The following FILIP1L variants were observed in gnomAD, a reference collection of about 807,000 sequenced individuals.
FILIP1L encodes filamin A interacting protein 1 like.
A neutral mutation model predicts 96.6 loss-of-function variants in FILIP1L; 55 were observed. The ratio of observed to expected loss-of-function variants is 0.57; its 90% CI spans 0.46 to 0.71. FILIP1L has a LOEUF of 0.71. FILIP1L is among the 30% of genes least tolerant of loss of function. FILIP1L has a pLI of 0.00. For synonymous variants in FILIP1L, 467 were observed against 473.9 expected, an observed-to-expected ratio of 0.99 and a Z score of 0.19; for missense variants, 1,304 against 1,321.2, an observed-to-expected ratio of 0.99 and a Z score of 0.20.
intron 4 of FILIP1L, among the ~76,000 whole-genome samples, chr3:99,869,697 T>C (rs1267592049): frequency 2.0e-5 from 3 of 152,234 alleles, no homozygotes; most frequent in East Asian, 1.9e-4. Flanking sequence ...ACTTAAGTCT[T>C]GCGAGCCCAA....
At position 99,930,886 on chromosome 3, in the gene FILIP1L, A is replaced by G; in HGVS notation, c.135T>C (p.Asp45=). The G allele has an allele frequency of 6.2e-7, 1 of 1,613,148 alleles. No homozygotes were observed. The highest frequency in any genetic ancestry group is 8.5e-7 in the Non-Finnish European group (1 of 1,179,806). ...QQDKDSPSES[D]VILPCPKAEK... ...CTGCCTTGGGACACGGAAGTATTAC[A>G]TCCGACTCACTGGGGGAGTCTTTGT... The change falls in exon 2 of 6, where the codon GAT becomes GAC. Residue 45 remains aspartate, a synonymous_variant. Coordinates refer to ENST00000477258, the MANE Select transcript of FILIP1L (RefSeq NM_001387850.1).
At chr3:99,904,543 T>C (rs1328065608) in intron 4 of FILIP1L, among the ~76,000 whole-genome samples, 4 of 152,250 alleles carry the variant, frequency 2.6e-5, no homozygotes, top group Non-Finnish European at 5.9e-5. Flanking sequence ...TTAATTCTTG[T>C]TATTTTGACA....
intron 1 of FILIP1L, among the ~76,000 whole-genome samples, chr3:99,935,051 A>G (rs1241284581): frequency 6.6e-6 from 1 of 152,166 alleles, no homozygotes; most frequent in Non-Finnish European, 1.5e-5. Context: ...CCCTCTGCCA[A>G]TAACCACAAA....
At chr3:100,010,510 G>C (rs1263668695) in intron 1 of FILIP1L, among the ~76,000 whole-genome samples, 1 of 152,052 alleles carries the variant, frequency 6.6e-6, no homozygotes, top group Non-Finnish European at 1.5e-5. Flanking sequence ...ATCCAACTAA[G>C]AGCAGTGACT....
intron 1 of FILIP1L, among the ~76,000 whole-genome samples, chr3:100,037,386 A>G (rs181614877): frequency 3.2e-4 from 48 of 152,326 alleles, no homozygotes; most frequent in African/African-American, 1.2e-3. Flanking sequence ...TTTTTGTAGT[A>G]TTCTTGCAAA....
intron 4 of FILIP1L, among the ~76,000 whole-genome samples, chr3:99,886,365 C>A (rs190401061): frequency 2.6e-5 from 4 of 151,634 alleles, no homozygotes; most frequent in African/African-American, 7.3e-5. Flanking sequence ...AAGAAGAAAT[C>A]TCTTGTACCA....
At chr3:100,083,744 T>C (rs1204470185) in intron 1 of FILIP1L, among the ~76,000 whole-genome samples, 1 of 152,170 alleles carries the variant, frequency 6.6e-6, no homozygotes, top group African/African-American at 2.4e-5. Flanking sequence ...TTTCTTTGTT[T>C]GTTTGTTTGT....
intron 1 of FILIP1L, among the ~76,000 whole-genome samples, chr3:99,995,734 C>T (rs1399488019): frequency 1.3e-5 from 2 of 152,236 alleles, no homozygotes; most frequent in Non-Finnish European, 1.5e-5. Flanking sequence ...AGGTTCAACA[C>T]CACGTGGAAG....
intron 1 of FILIP1L, among the ~76,000 whole-genome samples, chr3:100,068,350 CTGTG>C (rs62958661): frequency 0.49 from 72,961 of 149,208 alleles, 17,775 homozygotes; most frequent in East Asian, 0.7. Context: ...GAAAGAGCCT[CTGTG>C]TGTGTGTGTG....
At chr3:100,031,289 C>G (rs2065017586) in intron 1 of FILIP1L, among the ~76,000 whole-genome samples, 1 of 152,046 alleles carries the variant, frequency 6.6e-6, no homozygotes, top group South Asian at 2.1e-4. Context: ...ACAATGGAGG[C>G]CTATCTCCAT....
chr3:99,952,105 T>A (rs181772112), intron 1 of FILIP1L, among the ~76,000 whole-genome samples: 82 of 152,150 alleles, frequency 5.4e-4, no homozygotes, highest in African/African-American at 1.9e-3. Flanking sequence ...ATATATAGAT[T>A]TGGCACAGGC....
rs138822655 is a variant in FILIP1L at position 100,073,431 on chromosome 3, A to T, written c.-11+40622T>A. Among the ~76,000 whole-genome samples, 371 of 152,334 alleles carry T rather than the reference A, an allele frequency of 2.4e-3. 1 individual carries two copies. Among genetic ancestry groups the T allele is most frequent in the African/African-American group, 8.4e-3 (349 of 41,582 alleles). On this transcript the variant is annotated intron_variant, in intron 1 of 5. Transcript: ENST00000477258. The stretch of plus-strand genomic sequence containing the variant: ...TGAAAGTATACATTTAAATACAAAT[A>T]GAGTAAATGTTGTCTGCAGCTTCCT...
intron 4 of FILIP1L, among the ~76,000 whole-genome samples, chr3:99,858,124 C>T (rs1207086139): frequency 6.6e-6 from 1 of 152,098 alleles, no homozygotes; most frequent in Non-Finnish European, 1.5e-5. Context: ...AGTGTATGGG[C>T]TGTATCTATC....
At chr3:99,876,583 T>TA (rs762600035) in intron 4 of FILIP1L, among the ~76,000 whole-genome samples, 45 of 152,236 alleles carry the variant, frequency 3.0e-4, no homozygotes, top group Non-Finnish European at 5.6e-4. Context: ...TTGCTGGGGG[T>TA]AGGCGGGAGA....
At position 100,066,183 on chromosome 3, in the gene FILIP1L, A is replaced by G. The variant is rs1004453768; in HGVS notation, c.-11+47870T>C. Among the ~76,000 whole-genome samples the G allele has an allele frequency of 2.2e-4, 34 of 152,202 alleles. 1 individual carries two copies. Among genetic ancestry groups the G allele is most frequent in the Admixed American group, 2.0e-3 (31 of 15,286 alleles). On this transcript the variant is annotated intron_variant, in intron 1 of 5. Coordinates refer to ENST00000477258, the MANE Select transcript of FILIP1L (RefSeq NM_001387850.1). ...TTTCTGATAGCTAAGAGCTGACAGC[A>G]GTATAATGATTTTGTTTTACCATGT...
At chr3:99,965,833 C>A (rs1246736465) in intron 1 of FILIP1L, among the ~76,000 whole-genome samples, 4 of 152,154 alleles carry the variant, frequency 2.6e-5, no homozygotes, top group Admixed American at 2.6e-4. Flanking sequence ...CAAGCAGTTG[C>A]AGTTTTCCTG....
At position 99,850,548 on chromosome 3, in the gene FILIP1L, C is replaced by T. The variant is rs763542461; in HGVS notation, c.1128G>A (p.Arg376=). The T allele has an allele frequency of 8.1e-6, 13 of 1,613,802 alleles. No individual in the cohort carries two copies. The highest frequency in any genetic ancestry group is 1.1e-5 in the Non-Finnish European group (13 of 1,179,992). Residue 376 remains arginine, a synonymous_variant, in exon 5 of 6, where the codon AGG becomes AGA. Coordinates refer to ENST00000477258, the MANE Select transcript of FILIP1L (RefSeq NM_001387850.1). Reference sequence around the variant, plus strand: ...TCCCTTCCATATCTAGCACACGTTTCCTGAGCTCTTCCACTTCAGCCATGA... The same window carrying T: ...TCCCTTCCATATCTAGCACACGTTTTCTGAGCTCTTCCACTTCAGCCATGA... ...AGIMAEVEEL[R]KRVLDMEGKD... is the part of the protein sequence containing the mutation.
chr3:99,867,848 G>C (rs1176884310), intron 4 of FILIP1L, among the ~76,000 whole-genome samples: 1 of 152,134 alleles, frequency 6.6e-6, no homozygotes, highest in African/African-American at 2.4e-5. Context: ...ATGGGATTCA[G>C]ATTTATTTGA....
intron 1 of FILIP1L, among the ~76,000 whole-genome samples, chr3:99,935,224 A>G (rs1204624362): frequency 2.6e-5 from 4 of 151,370 alleles, no homozygotes; most frequent in African/African-American, 9.7e-5. Flanking sequence ...GGTAAAGAAA[A>G]ATTTTGTAAT....
Sources: gnomAD v4.1 joint callset for allele counts (sites outside exome capture counted in the v4.1 genomes callset) on GRCh38, gnomAD v4.1.1 for gene constraint, MANE v1.5 for transcripts, NCBI Gene and HGNC (gene_info 2026-07-23, HGNC 2026-07-21) for gene names.